PAX2: variants seen among roughly 807,000 people sequenced by gnomAD.
PAX2 encodes paired box protein Pax-2.
Under a neutral mutation model 41.7 loss-of-function variants are expected in PAX2, and 9 were observed. The ratio of observed to expected loss-of-function variants is 0.22; its 90% CI spans 0.13 to 0.38. The LOEUF is 0.38. PAX2 is among the 10% of genes least tolerant of loss of function. PAX2 has a pLI of 1.00. For synonymous variants in PAX2, 221 were observed against 212.7 expected, an observed-to-expected ratio of 1.04 and a Z score of -0.34; for missense variants, 418 against 531.6, an observed-to-expected ratio of 0.79 and a Z score of 2.10.
intron 3 of PAX2, among the ~76,000 whole-genome samples, chr10:100,777,375 A>C (rs1172547204): frequency 6.7e-6 from 1 of 148,390 alleles, no homozygotes; most frequent in Non-Finnish European, 1.5e-5. Flanking sequence ...CTGAGATTAC[A>C]GGCATGAGCC....
Position 100,748,066 on chromosome 10 carries a change from A to G in PAX2, c.44-1680A>G. 1 of 984,880 alleles carries G rather than the reference A, an allele frequency of 1.0e-6. No homozygotes were observed. 61.0% of individuals were successfully genotyped at this position (984,880 alleles called of 1,614,324 possible). ...GAGTCGGTGCTGGCGGCCGTGGCGC[A>G]TTCCAGGCCCGACTCAGCGCCGACT... On this transcript the variant is annotated intron_variant, in intron 1 of 9. Transcript: ENST00000355243. The surrounding 1 kb of genome is among the most constrained non-coding windows in gnomAD (Gnocchi z 5.0).
At chr10:100,820,561 A>C (rs879870665) in intron 7 of PAX2, among the ~76,000 whole-genome samples, 1 of 152,202 alleles carries the variant, frequency 6.6e-6, no homozygotes, top group Non-Finnish European at 1.5e-5. Flanking sequence ...TCTACTAAAA[A>C]TACAAAAATT....
rs142142285 is a variant in PAX2 at position 100,783,226 on chromosome 10, C to A, written c.616+1861C>A. Among the ~76,000 whole-genome samples the A allele has an allele frequency of 9.8e-5, 15 of 152,360 alleles. No individual in the cohort carries two copies. In the East Asian group the frequency reaches 2.9e-3, roughly 29 times the overall value. ...GTGAACCTTTCCTGGACATCAGTTT[C>A]AAGAAAGGCTTGGTACTATAGGATC... On this transcript the variant is annotated intron_variant, in intron 5 of 9. Transcript: ENST00000355243.
intron 3 of PAX2, among the ~76,000 whole-genome samples, chr10:100,760,258 G>T (rs566515884): frequency 6.6e-6 from 1 of 152,298 alleles, no homozygotes; most frequent in South Asian, 2.1e-4. Flanking sequence ...GGGAGTTGGT[G>T]GTTTGCTATT....
In PAX2 at chr10:100,767,884, C is replaced by T. The variant is rs577538956; in HGVS notation, c.411-11614C>T. Among the ~76,000 whole-genome samples the T allele has an allele frequency of 5.9e-5, 9 of 152,040 alleles. No individual in the cohort carries two copies. In the South Asian group the frequency reaches 1.5e-3, roughly 25 times the overall value. The stretch of plus-strand genomic sequence containing the variant: ...TTTAAAATAGGTTTTTGTTGCAATG[C>T]CCCCAGGATAAAGAATGGAAGGAGA... On this transcript the variant is annotated intron_variant, in intron 3 of 9. Transcript: ENST00000355243.
chr10:100,780,882 AG>A (rs1284131618), intron 4 of PAX2, among the ~76,000 whole-genome samples: 2 of 152,180 alleles, frequency 1.3e-5, no homozygotes, highest in African/African-American at 4.8e-5. Context: ...TGCTCTCTAG[AG>A]GACCATGGAG....
chr10:100,774,355 C>T (rs982704090), intron 3 of PAX2, among the ~76,000 whole-genome samples: 1 of 152,156 alleles, frequency 6.6e-6, no homozygotes, highest in Admixed American at 6.5e-5. Context: ...GCCACGACCC[C>T]CTGCCATCCC....
At chr10:100,743,927 C>T (rs1056301196), upstream of PAX2, among the ~76,000 whole-genome samples, 1 of 152,196 alleles carries the variant, frequency 6.6e-6, no homozygotes, top group South Asian at 2.1e-4. Context: ...GACTTTACCC[C>T]GCAGGTGGAT....
At chr10:100,764,848 G>A (rs1845965361) in intron 3 of PAX2, among the ~76,000 whole-genome samples, 1 of 152,068 alleles carries the variant, frequency 6.6e-6, no homozygotes, top group African/African-American at 2.4e-5. Context: ...AAATGGTAGT[G>A]GGGAAAAAGT....
intron 7 of PAX2, among the ~76,000 whole-genome samples, chr10:100,818,164 C>T (rs533406521): frequency 1.3e-5 from 2 of 152,240 alleles, no homozygotes; most frequent in South Asian, 2.1e-4. Context: ...TAGGGTCCTC[C>T]GCAGTGTCAA....
Position 100,826,558 on chromosome 10 carries a change from G to A in PAX2, c.1022-451G>A, listed in dbSNP as rs1848574781. ...GCACTGCACATTGATGCCATTCTTA[G>A]GACTTTCTGGGAGAAAAATGTCCCG... On this transcript the variant is annotated intron_variant, in intron 8 of 9. Coordinates refer to ENST00000355243, the MANE Select transcript of PAX2 (RefSeq NM_000278.5). The surrounding 1 kb of genome is among the most constrained non-coding windows in gnomAD (Gnocchi z 5.5). Among the ~76,000 whole-genome samples the A allele has an allele frequency of 6.6e-6, 1 of 152,194 alleles. No individual in the cohort carries two copies. The highest frequency in any genetic ancestry group is 2.1e-4 in the South Asian group (1 of 4,834).
At chr10:100,803,705 C>T (rs1473095670) in intron 5 of PAX2, among the ~76,000 whole-genome samples, 1 of 152,146 alleles carries the variant, frequency 6.6e-6, no homozygotes, top group Admixed American at 6.5e-5. Flanking sequence ...CATCACACCA[C>T]TTTGTTTTCC....
chr10:100,764,741 T>G (rs1365738722), intron 3 of PAX2, among the ~76,000 whole-genome samples: 1 of 152,194 alleles, frequency 6.6e-6, no homozygotes, highest in African/African-American at 2.4e-5. Flanking sequence ...AAGCCTGCTA[T>G]TGCTTGAGGA....
At chr10:100,811,507 C>A (rs1027724951) in intron 7 of PAX2, among the ~76,000 whole-genome samples, 2 of 152,214 alleles carry the variant, frequency 1.3e-5, no homozygotes, top group African/African-American at 4.8e-5. Flanking sequence ...AGCAGTGATG[C>A]AAGGAGAACA....
chr10:100,749,828 G>A lies in PAX2; in HGVS notation c.126G>A (p.Val42=). ...PLPDVVRQRI[V]ELAHQGVRPC... ...CCGACGTGGTGAGGCAGCGCATCGTGGAGCTGGCCCACCAGGGTGTGCGGC... is the reference window on the plus strand; with the variant it reads ...CCGACGTGGTGAGGCAGCGCATCGTAGAGCTGGCCCACCAGGGTGTGCGGC... Residue 42 remains valine (V), a synonymous_variant, in exon 2 of 10, where the codon GTG becomes GTA. Transcript: ENST00000355243. 6.2e-7 allele frequency: 1 copy of A among 1,611,890 alleles called. No individual in the cohort carries two copies. Among genetic ancestry groups the A allele is most frequent in the Non-Finnish European group, 8.5e-7 (1 of 1,179,042 alleles).
At chr10:100,757,784 T>G (rs893091007) in intron 3 of PAX2, among the ~76,000 whole-genome samples, 3 of 152,080 alleles carry the variant, frequency 2.0e-5, no homozygotes, top group Non-Finnish European at 4.4e-5. Flanking sequence ...AGGCTTGGGG[T>G]GTAGATGAGG....
chr10:100,742,843 C>CTT (rs61627823), upstream of PAX2, among the ~76,000 whole-genome samples: 12 of 41,244 alleles, frequency 2.9e-4, no homozygotes, highest in Admixed American at 3.9e-4. Flanking sequence ...TTCTTTCTTC[C>CTT]TTTTTTTTTT....
intron 5 of PAX2, among the ~76,000 whole-genome samples, chr10:100,805,817 C>G (rs1341072969): frequency 6.6e-6 from 1 of 152,194 alleles, no homozygotes; most frequent in Non-Finnish European, 1.5e-5. Context: ...CTAGCGACAC[C>G]TCTTTCCTCC....
In PAX2 at chr10:100,827,517, C is replaced by G; in HGVS notation, c.1109-26C>G. On this transcript the variant is annotated intron_variant, in intron 9 of 9. Transcript: ENST00000355243. This position sits in a 1 kb window ranked among gnomAD's most constrained non-coding sequence, Gnocchi z 8.5. ...CTCCTGTTTGTCCTCTCACCCAGCC[C>G]ATTCTTCTCCTGTGTTAACTTCCAG... 6.2e-7 allele frequency: 1 copy of G among 1,610,538 alleles called. No individual in the cohort carries two copies. The highest frequency in any genetic ancestry group is 1.1e-5 in the South Asian group (1 of 91,018).
Sources: gnomAD v4.1 joint callset for allele counts (sites outside exome capture counted in the v4.1 genomes callset) on GRCh38, gnomAD v4.1.1 for gene constraint, Gnocchi (gnomAD v3.1) non-coding constraint, MANE v1.5 for transcripts, NCBI Gene and HGNC (gene_info 2026-07-23, HGNC 2026-07-21) for gene names.